The following SEMA5A variants were observed in gnomAD, a reference collection of about 807,000 sequenced individuals.
SEMA5A encodes the protein semaphorin-5A.
SEMA5A carries 55 observed loss-of-function variants against 135.5 expected under a neutral mutation model. The observed-to-expected ratio is 0.41, with a 90% CI of 0.33 to 0.51. SEMA5A has a LOEUF of 0.51. SEMA5A is among the 20% of genes least tolerant of loss of function. The probability of loss-of-function intolerance (pLI) is 0.37; values close to 1 mark genes in which losing one functional copy is unlikely to be tolerated. For synonymous variants in SEMA5A, 580 were observed against 546.5 expected (o/e 1.06, Z -0.85); for missense variants, 1,290 against 1,419.9 (o/e 0.91, Z 1.47).
intron 16 of SEMA5A, among the ~76,000 whole-genome samples, chr5:9,093,780 T>TACTC (rs1739170379): frequency 6.6e-6 from 1 of 151,718 alleles, no homozygotes; most frequent in African/African-American, 2.4e-5. Context: ...GAATGATGAC[T>TACTC]ACTCACTTTC....
At position 9,432,654 on chromosome 5, in the gene SEMA5A, AAT is replaced by A. The variant is rs1233719705; in HGVS notation, c.-78+5100_-78+5101del. 7.2e-5 allele frequency among the ~76,000 whole-genome samples: 11 copies of A among 152,330 alleles called. No individual in the cohort carries two copies. The South Asian group carries it at 1.5e-3, about 20-fold the overall frequency. On this transcript the variant is annotated intron_variant, in intron 2 of 22. Transcript: ENST00000382496. Reference sequence around the variant, plus strand: ...ATCTCAAAAAGCGAGATCTAGATTCAATCTTTTGGAACTCCTGCCCTTAACAT... The same window carrying A: ...ATCTCAAAAAGCGAGATCTAGATTCACTTTTGGAACTCCTGCCCTTAACAT...
intron 22 of SEMA5A, chr5:9,043,317 C>T (rs1736064110): frequency 3.8e-6 from 1 of 265,084 alleles, no homozygotes; most frequent in Non-Finnish European, 7.1e-6. Flanking sequence ...AAACCTAAAA[C>T]TATAATGATT....
Position 9,372,370 on chromosome 5 carries a change from C to A in SEMA5A, c.124+7453G>T, listed in dbSNP as rs575045453. Among the ~76,000 whole-genome samples the A allele has an allele frequency of 3.9e-5, 6 of 152,126 alleles. No individual in the cohort carries two copies. In the South Asian group the frequency reaches 1.2e-3, roughly 32 times the overall value. On this transcript the variant is annotated intron_variant, in intron 3 of 22. Coordinates refer to ENST00000382496, the MANE Select transcript of SEMA5A (RefSeq NM_003966.3). ...GACACGCATGGAACTGTGGGACACGCGTGGAGCCATGCGGCATGCAAGGAG... is the reference window on the plus strand; with the variant it reads ...GACACGCATGGAACTGTGGGACACGAGTGGAGCCATGCGGCATGCAAGGAG...
chr5:9,379,429 G>A (rs563688785), intron 3 of SEMA5A, among the ~76,000 whole-genome samples: 75 of 152,312 alleles, frequency 4.9e-4, no homozygotes, highest in African/African-American at 1.8e-3. Flanking sequence ...AAAGGGCTAG[G>A]TTTGTGGCAA....
chr5:9,124,749 C>A (rs966645477), intron 13 of SEMA5A, among the ~76,000 whole-genome samples: 1 of 152,284 alleles, frequency 6.6e-6, no homozygotes, highest in African/African-American at 2.4e-5. Flanking sequence ...AGCCACCATG[C>A]ACGGCCTCCA....
At chr5:9,526,907 C>T (rs1345703744) in intron 1 of SEMA5A, among the ~76,000 whole-genome samples, 1 of 152,182 alleles carries the variant, frequency 6.6e-6, no homozygotes, top group Non-Finnish European at 1.5e-5. Context: ...TTTTTAACTT[C>T]TCAAGCTGTT....
rs372242850 is a variant in SEMA5A at position 9,383,051 on chromosome 5, C to T, written c.-77-3028G>A. On this transcript the variant is annotated intron_variant, in intron 2 of 22. Transcript: ENST00000382496. ...ACAGAGAGCCAGAGGCTCATCTGTC[C>T]GCCAGCCCACAATCCCTGCCCAAGC... 3.9e-4 allele frequency among the ~76,000 whole-genome samples: 59 copies of T among 152,272 alleles called. 1 individual carries two copies. The highest frequency in any genetic ancestry group is 1.2e-3 in the East Asian group (6 of 5,168).
At chr5:9,068,606 A>C (rs1737601941) in intron 16 of SEMA5A, among the ~76,000 whole-genome samples, 1 of 152,220 alleles carries the variant, frequency 6.6e-6, no homozygotes, top group South Asian at 2.1e-4. Context: ...TGGACAGAGC[A>C]GGTCTAGTCC....
chr5:9,508,222 G>C (rs539560121), intron 1 of SEMA5A, among the ~76,000 whole-genome samples: 1 of 152,122 alleles, frequency 6.6e-6, no homozygotes, highest in Non-Finnish European at 1.5e-5. Flanking sequence ...GGTCACTAGA[G>C]CACCTGTTCT....
rs576744527 is a variant in SEMA5A, at chr5:9,487,856, G to A, written c.-174-50004C>T. The stretch of plus-strand genomic sequence containing the variant: ...ATGAATGAGCAATTGTTAGTAAATA[G>A]AAAATTAACTTTCGCACATTTATTG... On this transcript the variant is annotated intron_variant, in intron 1 of 22. Transcript: ENST00000382496. 3.5e-4 allele frequency among the ~76,000 whole-genome samples: 54 copies of A among 152,192 alleles called. 1 individual carries two copies. Among genetic ancestry groups the A allele is most frequent in the Admixed American group, 3.0e-3 (46 of 15,282 alleles).
At chr5:9,402,908 C>G (rs1173600749) in intron 2 of SEMA5A, among the ~76,000 whole-genome samples, 2 of 152,166 alleles carry the variant, frequency 1.3e-5, no homozygotes, top group Non-Finnish European at 2.9e-5. Flanking sequence ...TGGACTTGGT[C>G]TTATGACAGC....
chr5:9,052,542 C>A (rs1331478951), intron 19 of SEMA5A, among the ~76,000 whole-genome samples: 1 of 152,174 alleles, frequency 6.6e-6, no homozygotes. Context: ...TGAAGCTACA[C>A]AATTACTTTC....
chr5:9,181,560 C>T (rs570546172), intron 11 of SEMA5A, among the ~76,000 whole-genome samples: 1 of 152,228 alleles, frequency 6.6e-6, no homozygotes, highest in East Asian at 1.9e-4. Flanking sequence ...TCTCTTGGTT[C>T]CCTTTGGTGC....
At chr5:9,124,458 T>A (rs948508226) in intron 13 of SEMA5A, among the ~76,000 whole-genome samples, 2 of 152,066 alleles carry the variant, frequency 1.3e-5, no homozygotes, top group African/African-American at 4.8e-5. Context: ...CCTCCTGTTT[T>A]GGTTGTTGTT....
chr5:9,040,056 A>AGTT lies in SEMA5A; in HGVS notation c.*2838_*2840dup, dbSNP rs779105058. On this transcript the variant is annotated 3_prime_UTR_variant, in exon 23 of 23. Coordinates refer to ENST00000382496, the MANE Select transcript of SEMA5A (RefSeq NM_003966.3). ...AACTGTATTCAGAAATAATTTTAGA[A>AGTT]GTTAAATAGTGATTAATGTCATTTT... 5.3e-5 allele frequency: 8 copies of AGTT among 152,232 alleles called. No individual in the cohort carries two copies. The highest frequency in any genetic ancestry group is 1.0e-4 in the Non-Finnish European group (7 of 68,042). 9.4% of individuals were successfully genotyped at this position (152,232 alleles called of 1,614,324 possible). A position where few individuals can be genotyped will look rare whatever the true frequency, so the allele number is the denominator to read the frequency against.
At chr5:9,164,893 G>A (rs939797474) in intron 11 of SEMA5A, among the ~76,000 whole-genome samples, 7 of 152,154 alleles carry the variant, frequency 4.6e-5, no homozygotes, top group Admixed American at 2.6e-4. Flanking sequence ...AGTGGGAAAC[G>A]AGGGGTGGAG....
chr5:9,256,159 T>G (rs40711), intron 5 of SEMA5A, among the ~76,000 whole-genome samples: 1 of 152,174 alleles, frequency 6.6e-6, no homozygotes, highest in Non-Finnish European at 1.5e-5. Flanking sequence ...CTTTCCTCTA[T>G]GACTCACCCA....
At chr5:9,478,501 C>T (rs554077651) in intron 1 of SEMA5A, among the ~76,000 whole-genome samples, 6 of 152,176 alleles carry the variant, frequency 3.9e-5, no homozygotes, top group Non-Finnish European at 8.8e-5. Flanking sequence ...TCAAGGCTGC[C>T]CAAGGGCTTG....
chr5:9,178,913 G>A, intron 11 of SEMA5A, among the ~76,000 whole-genome samples: 1 of 152,154 alleles, frequency 6.6e-6, no homozygotes, highest in East Asian at 1.9e-4. Context: ...TCCTAAGCCT[G>A]TGTCTACATT....
Sources: gnomAD v4.1 joint callset for allele counts (sites outside exome capture counted in the v4.1 genomes callset) on GRCh38, gnomAD v4.1.1 for gene constraint, MANE v1.5 for transcripts, NCBI Gene and HGNC (gene_info 2026-07-23, HGNC 2026-07-21) for gene names.